The following ITPR2 variants were observed in gnomAD, a reference collection of about 807,000 sequenced individuals.
ITPR2 encodes inositol 1,4,5-trisphosphate-gated calcium channel ITPR2.
Under a neutral mutation model 317.1 loss-of-function variants are expected in ITPR2, and 207 were observed. The observed-to-expected ratio is 0.65, with a 90% CI of 0.58 to 0.73. The LOEUF is 0.73. Among genes scored for constraint, ITPR2 ranks in the 30% least tolerant of loss-of-function variants. The probability of loss-of-function intolerance (pLI) is 0.00; values close to 1 mark genes in which losing one functional copy is unlikely to be tolerated. For synonymous variants in ITPR2, 1,156 were observed against 1,149.1 expected, an observed-to-expected ratio of 1.01 and a Z score of -0.12; for missense variants, 2,613 against 3,284.0, an observed-to-expected ratio of 0.80 and a Z score of 4.99.
chr12:26,644,241 G>C (rs1947059050), intron 21 of ITPR2, among the ~76,000 whole-genome samples: 3 of 152,130 alleles, frequency 2.0e-5, no homozygotes, highest in African/African-American at 4.8e-5. Flanking sequence ...GGCTGCCCCA[G>C]GTATGGCTCC....
intron 21 of ITPR2, chr12:26,649,327 A>G (rs546636076): frequency 6.6e-6 from 1 of 152,324 alleles, no homozygotes; most frequent in African/African-American, 2.4e-5. Flanking sequence ...AAACAAGTAC[A>G]TTAGCTTAGC....
chr12:26,638,962 A>G (rs901472528), intron 21 of ITPR2, among the ~76,000 whole-genome samples: 1 of 152,232 alleles, frequency 6.6e-6, no homozygotes, highest in Non-Finnish European at 1.5e-5. Flanking sequence ...GTAGGAATCA[A>G]TACTATGTCA....
chr12:26,342,703 G>A (rs1229416684), intron 55 of ITPR2, among the ~76,000 whole-genome samples: 1 of 152,106 alleles, frequency 6.6e-6, no homozygotes, highest in Admixed American at 6.5e-5. Context: ...TCCGCCCCCT[G>A]GATTCAAGTG....
intron 5 of ITPR2, among the ~76,000 whole-genome samples, chr12:26,720,091 A>G (rs1022587405): frequency 6.6e-6 from 1 of 152,176 alleles, no homozygotes; most frequent in African/African-American, 2.4e-5. Flanking sequence ...TACAGCTGAA[A>G]GTACAGGGAT....
intron 2 of ITPR2, among the ~76,000 whole-genome samples, chr12:26,773,393 G>A (rs568404703): frequency 1.3e-5 from 2 of 152,280 alleles, no homozygotes; most frequent in African/African-American, 4.8e-5. Flanking sequence ...TACACCATGG[G>A]AAGGAAGATT....
intron 53 of ITPR2, 135 bp downstream of exon 53, chr12:26,399,992 TA>T (rs2136649576): frequency 1.2e-6 from 1 of 837,998 alleles, no homozygotes; most frequent in African/African-American, 1.7e-5. Flanking sequence ...TAATTGGCTT[TA>T]ACAGCCATGG....
At position 26,715,449 on chromosome 12, in the gene ITPR2, G is replaced by A. The variant is rs1438647480; in HGVS notation, c.709-4C>T. 1.2e-6 allele frequency: 2 copies of A among 1,610,964 alleles called. No homozygotes were observed. Among genetic ancestry groups the A allele is most frequent in the East Asian group, 4.5e-5 (2 of 44,844 alleles). ...GAAATAATCTAACAACGTCCCCCTA[G>A]CAAAAAGGTCAAGAGACATCTGAAC... On this transcript the variant is annotated splice_region_variant and splice_polypyrimidine_tract_variant and intron_variant, in intron 7 of 56. Transcript: ENST00000381340.
At chr12:26,798,455 C>G (rs938390796) in intron 1 of ITPR2, among the ~76,000 whole-genome samples, 1 of 152,164 alleles carries the variant, frequency 6.6e-6, no homozygotes, top group African/African-American at 2.4e-5. Flanking sequence ...TGTTTAGCAT[C>G]TATTTTTTTG....
Position 26,565,531 on chromosome 12 carries a change from C to T in ITPR2, c.4631-3579G>A, listed in dbSNP as rs77746068. On this transcript the variant is annotated intron_variant, in intron 34 of 56. Coordinates refer to ENST00000381340, the MANE Select transcript of ITPR2 (RefSeq NM_002223.4). ...ATAGATAGATAGATAGATAGATAGACAGACAGACAGATAGATAGATAATCT... is the reference window on the plus strand; with the variant it reads ...ATAGATAGATAGATAGATAGATAGATAGACAGACAGATAGATAGATAATCT... 2.3e-3 allele frequency among the ~76,000 whole-genome samples: 266 copies of T among 114,480 alleles called. 1 individual carries two copies. Among genetic ancestry groups the T allele is most frequent in the Admixed American group, 7.3e-3 (88 of 11,990 alleles). 75.1% of individuals were successfully genotyped at this position (114,480 alleles called of 152,430 possible). A position where few individuals can be genotyped will look rare whatever the true frequency, so the allele number is the denominator to read the frequency against.
chr12:26,678,204 T>C (rs1261593495), intron 13 of ITPR2, among the ~76,000 whole-genome samples: 1 of 152,178 alleles, frequency 6.6e-6, no homozygotes, highest in Non-Finnish European at 1.5e-5. Flanking sequence ...CTTCCTCAAG[T>C]TCTGGATGGC....
At chr12:26,748,173 C>T (rs796392166) in intron 2 of ITPR2, among the ~76,000 whole-genome samples, 4 of 152,186 alleles carry the variant, frequency 2.6e-5, no homozygotes, top group African/African-American at 9.6e-5. Context: ...ATTCTCCTGC[C>T]TCAGCCTCCC....
intron 39 of ITPR2, among the ~76,000 whole-genome samples, chr12:26,491,072 G>T (rs746871227): frequency 3.3e-5 from 5 of 152,154 alleles, no homozygotes; most frequent in Admixed American, 6.5e-5. Context: ...GAGGGTGGAA[G>T]AACAAGGGAA....
At chr12:26,585,941 T>C (rs1945515039) in intron 32 of ITPR2, among the ~76,000 whole-genome samples, 1 of 152,210 alleles carries the variant, frequency 6.6e-6, no homozygotes, top group Non-Finnish European at 1.5e-5. Flanking sequence ...TGTGTTATTT[T>C]AAAAATTATT....
chr12:26,455,581 C>T lies in ITPR2; in HGVS notation c.6343-11931G>A, dbSNP rs565590907. On this transcript the variant is annotated intron_variant, in intron 45 of 56. Coordinates refer to ENST00000381340, the MANE Select transcript of ITPR2 (RefSeq NM_002223.4). ...TTGTTACTTGTTCATTCTGTGACAT[C>T]CAACACCCTTTTAAATGTTATCTAG... Among the ~76,000 whole-genome samples the T allele has an allele frequency of 6.2e-4, 94 of 152,074 alleles. 1 individual carries two copies. The highest frequency in any genetic ancestry group is 2.4e-3 in the Admixed American group (37 of 15,264).
chr12:26,468,198 G>A (rs1393126484), intron 45 of ITPR2, among the ~76,000 whole-genome samples: 2 of 146,622 alleles, frequency 1.4e-5, no homozygotes, highest in Non-Finnish European at 3.0e-5. Context: ...AGGGTATGAA[G>A]GTAACACTAA....
intron 11 of ITPR2, among the ~76,000 whole-genome samples, chr12:26,686,270 A>G (rs1344671376): frequency 6.6e-6 from 1 of 152,096 alleles, no homozygotes; most frequent in East Asian, 1.9e-4. Context: ...AATTTTTCAG[A>G]GTTTCTTTGG....
intron 54 of ITPR2, among the ~76,000 whole-genome samples, chr12:26,390,777 CAACAA>C (rs1939809095): frequency 6.6e-6 from 1 of 151,910 alleles, no homozygotes; most frequent in Admixed American, 6.6e-5. Flanking sequence ...ACAACAACAA[CAACAA>C]AACACTAAAA....
chr12:26,769,017 ACACACACACC>A (rs886966505), intron 2 of ITPR2, among the ~76,000 whole-genome samples: 2 of 151,600 alleles, frequency 1.3e-5, no homozygotes, highest in Non-Finnish European at 2.9e-5. Context: ...ACACACACAC[ACACACACACC>A]CCAATCTCAG....
At chr12:26,757,670 T>C (rs1444245040) in intron 2 of ITPR2, among the ~76,000 whole-genome samples, 23 of 152,232 alleles carry the variant, frequency 1.5e-4, no homozygotes, top group Non-Finnish European at 1.5e-5. Flanking sequence ...CAATTTGTGA[T>C]AGGTTTATCA....
Sources: allele counts gnomAD v4.1 joint callset (sites outside exome capture counted in the v4.1 genomes callset), GRCh38; gene constraint gnomAD v4.1.1; transcripts MANE v1.5; gene names NCBI Gene and HGNC (gene_info 2026-07-23, HGNC 2026-07-21).